The following DTNA variants were observed in gnomAD, a reference collection of about 807,000 sequenced individuals.
DTNA encodes the protein dystrophin-related protein 3.
DTNA carries 43 observed loss-of-function variants against 100.7 expected under a neutral mutation model. The ratio of observed to expected loss-of-function variants is 0.43; its 90% CI spans 0.33 to 0.55. The LOEUF (loss-of-function observed/expected upper bound fraction) is 0.55, where lower values mean the gene tolerates loss of function less well. Among genes scored for constraint, DTNA ranks in the 20% least tolerant of loss-of-function variants. The probability of loss-of-function intolerance (pLI) is 0.04; values close to 1 mark genes in which losing one functional copy is unlikely to be tolerated. For synonymous variants in DTNA, 349 were observed against 347.9 expected, an observed-to-expected ratio of 1.00 and a Z score of -0.04; for missense variants, 798 against 953.9, an observed-to-expected ratio of 0.84 and a Z score of 2.15.
chr18:34,824,475 CA>C (rs757094848), intron 9 of DTNA, among the ~76,000 whole-genome samples: 5,011 of 131,386 alleles, frequency 0.038, 229 homozygotes, highest in African/African-American at 0.12. Flanking sequence ...GACGCCATCT[CA>C]AAAAAAAAAA....
intron 1 of DTNA, among the ~76,000 whole-genome samples, chr18:34,533,826 A>G (rs1349142707): frequency 6.6e-6 from 1 of 152,136 alleles, no homozygotes; most frequent in Non-Finnish European, 1.5e-5. Context: ...TATGGTACAG[A>G]TGGAAATCTT....
intron 1 of DTNA, among the ~76,000 whole-genome samples, chr18:34,579,119 C>G (rs918615054): frequency 4.0e-5 from 6 of 151,776 alleles, no homozygotes; most frequent in Non-Finnish European, 5.9e-5. Context: ...TTATTGTTTA[C>G]CTTTAAATAA....
At chr18:34,698,457 A>G (rs939705837) in intron 1 of DTNA, among the ~76,000 whole-genome samples, 1 of 152,156 alleles carries the variant, frequency 6.6e-6, no homozygotes, top group African/African-American at 2.4e-5. Flanking sequence ...CAGCTGCATC[A>G]CTGCAATCCC....
intron 1 of DTNA, among the ~76,000 whole-genome samples, chr18:34,666,691 T>C (rs2075978873): frequency 6.6e-6 from 1 of 152,210 alleles, no homozygotes; most frequent in Non-Finnish European, 1.5e-5. Flanking sequence ...CCTTTCCCCA[T>C]TTCTTGTTTT....
At chr18:34,738,023 T>A (rs1369193539) in intron 1 of DTNA, 1 of 152,194 alleles carries the variant, frequency 6.6e-6, no homozygotes, top group African/African-American at 2.4e-5. Flanking sequence ...GTGGTAGACA[T>A]GCCTATTGGA....
intron 1 of DTNA, among the ~76,000 whole-genome samples, chr18:34,611,409 C>T (rs1392510318): frequency 1.3e-5 from 2 of 152,192 alleles, no homozygotes; most frequent in African/African-American, 4.8e-5. Flanking sequence ...CCTCCAGTCT[C>T]AGGTGCTGAG....
At chr18:34,797,049 G>C (rs2149090570) in intron 4 of DTNA, among the ~76,000 whole-genome samples, 1 of 152,326 alleles carries the variant, frequency 6.6e-6, no homozygotes, top group Middle Eastern at 3.4e-3. Flanking sequence ...CAGCCTCTCA[G>C]AAGATATGAT....
At chr18:34,677,571 G>A (rs1051081224) in intron 1 of DTNA, among the ~76,000 whole-genome samples, 11 of 152,172 alleles carry the variant, frequency 7.2e-5, no homozygotes, top group Non-Finnish European at 8.8e-5. Context: ...GATTATATGC[G>A]ATTTTCATTT....
chr18:34,747,898 A>G (rs1246048554), intron 1 of DTNA, among the ~76,000 whole-genome samples: 1 of 152,082 alleles, frequency 6.6e-6, no homozygotes, highest in South Asian at 2.1e-4. Context: ...AGTGTTTTCC[A>G]TAGTAGTTGT....
intron 1 of DTNA, among the ~76,000 whole-genome samples, chr18:34,609,754 C>T (rs913772752): frequency 6.6e-6 from 1 of 152,196 alleles, no homozygotes; most frequent in Non-Finnish European, 1.5e-5. Flanking sequence ...TGATAACTGT[C>T]TAGTGTTCTA....
At chr18:34,589,739 T>G (rs980659449) in intron 1 of DTNA, among the ~76,000 whole-genome samples, 10 of 152,340 alleles carry the variant, frequency 6.6e-5, no homozygotes, top group African/African-American at 2.2e-4. Context: ...TATATAACTC[T>G]CTTTTTGTAC....
At chr18:34,813,393 C>T (rs117135511) in intron 6 of DTNA, among the ~76,000 whole-genome samples, 456 of 150,516 alleles carry the variant, frequency 3.0e-3, no homozygotes, top group Non-Finnish European at 4.9e-3. Context: ...AGCTTAAGCC[C>T]GGATGGCGCC....
intron 4 of DTNA, among the ~76,000 whole-genome samples, chr18:34,794,812 A>G (rs767479813): frequency 6.6e-6 from 1 of 152,154 alleles, no homozygotes; most frequent in Non-Finnish European, 1.5e-5. Context: ...TTTTTGTATA[A>G]TTTTCCCTTT....
chr18:34,692,912 A>G (rs1181322552), intron 1 of DTNA, among the ~76,000 whole-genome samples: 1 of 152,130 alleles, frequency 6.6e-6, no homozygotes, highest in African/African-American at 2.4e-5. Flanking sequence ...TCTATGACTA[A>G]TTATAAACGA....
chr18:34,801,513 C>CTT (rs555362184), intron 4 of DTNA, among the ~76,000 whole-genome samples: 25 of 140,416 alleles, frequency 1.8e-4, no homozygotes, highest in African/African-American at 3.9e-4. Flanking sequence ...AATAAAATAA[C>CTT]TTTTTTTTTT....
At position 34,565,185 on chromosome 18, in the gene DTNA, T is replaced by C. The variant is rs1204904587; in HGVS notation, c.-2+71671T>C. 2.6e-5 allele frequency among the ~76,000 whole-genome samples: 4 copies of C among 152,358 alleles called. No individual in the cohort carries two copies. The East Asian group carries it at 7.7e-4, about 29-fold the overall frequency. ...TTGAGAGATCTGCCTTTATTATATG[T>C]AGATTTATGCTATTTCTCTAGCCAG... On this transcript the variant is annotated intron_variant, in intron 1 of 19. Coordinates refer to the DTNA transcript ENST00000283365.
intron 1 of DTNA, among the ~76,000 whole-genome samples, chr18:34,733,658 C>G (rs2088853256): frequency 6.6e-6 from 1 of 152,164 alleles, no homozygotes. Context: ...GCTGCCCTCA[C>G]AAATCTATTT....
At chr18:34,687,572 AT>A (rs1472463710) in intron 1 of DTNA, among the ~76,000 whole-genome samples, 1 of 152,146 alleles carries the variant, frequency 6.6e-6, no homozygotes, top group Admixed American at 6.6e-5. Flanking sequence ...TATGTGGTCA[AT>A]TTTAGAATAA....
intron 9 of DTNA, among the ~76,000 whole-genome samples, chr18:34,827,047 C>A (rs908818398): frequency 6.6e-6 from 1 of 152,214 alleles, no homozygotes; most frequent in Non-Finnish European, 1.5e-5. Context: ...AAACTAACTT[C>A]ATATATCCTT....
Sources: gnomAD v4.1 joint callset for allele counts (sites outside exome capture counted in the v4.1 genomes callset) on GRCh38, gnomAD v4.1.1 for gene constraint, MANE v1.5 for transcripts, NCBI Gene and HGNC (gene_info 2026-07-23, HGNC 2026-07-21) for gene names.